The following ZMYM2 variants were observed in gnomAD, a reference collection of about 807,000 sequenced individuals.
ZMYM2 encodes the protein zinc finger MYM-type containing 2, also known as zinc finger MYM-type protein 2.
In ZMYM2, 56 loss-of-function variants were observed where a neutral mutation model predicts 162.8. That is an observed-to-expected ratio of 0.34 (90% CI 0.28 to 0.43). The LOEUF is 0.43. Among genes scored for constraint, ZMYM2 ranks in the 20% least tolerant of loss-of-function variants. ZMYM2 has a pLI of 1.00. For synonymous variants in ZMYM2, 510 were observed against 541.6 expected, an observed-to-expected ratio of 0.94 and a Z score of 0.81; for missense variants, 1,275 against 1,621.8, an observed-to-expected ratio of 0.79 and a Z score of 3.67.
At chr13:19,934,941 AT>A in the ZMYM2 span, among the ~76,000 whole-genome samples, 2 of 151,394 alleles carry the variant, frequency 1.3e-5, no homozygotes, top group Non-Finnish European at 2.9e-5. Context: ...TAATTTTTGT[AT>A]TTTTAGTAGA....
chr13:20,021,010 C>G (rs1952038518), intron 7 of ZMYM2, among the ~76,000 whole-genome samples: 2 of 150,036 alleles, frequency 1.3e-5, no homozygotes, highest in African/African-American at 4.9e-5. Flanking sequence ...GAGCCTTGCT[C>G]TGTCACCCAG....
chr13:19,957,597 C>T (rs1039806269), upstream of ZMYM2, among the ~76,000 whole-genome samples: 2 of 152,244 alleles, frequency 1.3e-5, no homozygotes, highest in Non-Finnish European at 2.9e-5. Flanking sequence ...TCCGCTCCCC[C>T]CGGCGGCCGC....
the ZMYM2 span, among the ~76,000 whole-genome samples, chr13:19,950,082 G>A: frequency 6.6e-6 from 1 of 151,556 alleles, no homozygotes; most frequent in African/African-American, 2.4e-5. Flanking sequence ...AGACCAGCCT[G>A]GACTGTTAAC....
rs1414207904 is a variant in ZMYM2 at position 20,087,456 on chromosome 13, A to C, written c.*1442A>C. On this transcript the variant is annotated 3_prime_UTR_variant, in exon 25 of 25. Transcript: ENST00000610343. The stretch of plus-strand genomic sequence containing the variant: ...CATGTTTTCTTCTGATTCCTGAATG[A>C]CCATGGTAGCATTAGTGTTTAGAAA... 5.3e-6 allele frequency: 1 copy of C among 188,756 alleles called. No homozygotes were observed. Among genetic ancestry groups the C allele is most frequent in the African/African-American group, 2.3e-5 (1 of 42,862 alleles). 11.7% of individuals were successfully genotyped at this position (188,756 alleles called of 1,614,324 possible). A position where few individuals can be genotyped will look rare whatever the true frequency, so the allele number is the denominator to read the frequency against.
the ZMYM2 span, among the ~76,000 whole-genome samples, chr13:19,953,213 A>C: frequency 7.9e-5 from 12 of 152,226 alleles, no homozygotes; most frequent in Non-Finnish European, 1.8e-4. Context: ...TAAATGAACT[A>C]AGACAGTCAC....
intron 5 of ZMYM2, among the ~76,000 whole-genome samples, chr13:20,005,675 C>A (rs1296820877): frequency 6.6e-6 from 1 of 152,098 alleles, no homozygotes; most frequent in East Asian, 1.9e-4. Context: ...AAAAAGTAAT[C>A]TGTTTATATA....
the ZMYM2 span, among the ~76,000 whole-genome samples, chr13:19,884,103 G>A: frequency 6.6e-6 from 1 of 152,140 alleles, no homozygotes; most frequent in Non-Finnish European, 1.5e-5. Context: ...GGGTAAACTG[G>A]CACAAGCCTG....
chr13:20,071,268 G>A (rs570285764), intron 21 of ZMYM2, among the ~76,000 whole-genome samples: 1 of 152,254 alleles, frequency 6.6e-6, no homozygotes, highest in African/African-American at 2.4e-5. Context: ...ACAAGTCTTT[G>A]TACTTCTGTT....
the ZMYM2 span, among the ~76,000 whole-genome samples, chr13:19,919,354 A>T: frequency 2.0e-5 from 3 of 152,282 alleles, no homozygotes; most frequent in African/African-American, 7.2e-5. Flanking sequence ...TTTCTCTGGG[A>T]TAAATGCCTG....
chr13:20,055,666 C>T (rs768916788), intron 14 of ZMYM2, among the ~76,000 whole-genome samples: 3 of 152,022 alleles, frequency 2.0e-5, no homozygotes, highest in Non-Finnish European at 2.9e-5. Context: ...TCAACATTAT[C>T]GTACATCTAG....
At chr13:19,885,277 A>T in the ZMYM2 span, among the ~76,000 whole-genome samples, 1 of 152,194 alleles carries the variant, frequency 6.6e-6, no homozygotes, top group Non-Finnish European at 1.5e-5. Context: ...CTGTCTTAAA[A>T]AAAAGTTTAA....
chr13:20,054,218 CT>C (rs1955606202), intron 14 of ZMYM2, among the ~76,000 whole-genome samples: 1 of 152,164 alleles, frequency 6.6e-6, no homozygotes, highest in South Asian at 2.1e-4. Context: ...CTTCACTGTT[CT>C]TTTTGTGAGT....
chr13:20,028,103 T>A (rs1005654495), intron 9 of ZMYM2: 1 of 173,096 alleles, frequency 5.8e-6, no homozygotes, highest in Admixed American at 6.4e-5. Context: ...ACTGCAAATA[T>A]AGTTTCTTAA....
At chr13:20,082,276 T>A (rs1181715162) in intron 22 of ZMYM2, 146 bp downstream of exon 22, 1 of 646,036 alleles carries the variant, frequency 1.5e-6, no homozygotes, top group Non-Finnish European at 2.6e-6. Flanking sequence ...CTTTCATCTC[T>A]TGTTGAATTA....
intron 3 of ZMYM2, among the ~76,000 whole-genome samples, chr13:19,999,984 G>T (rs1950274643): frequency 6.6e-6 from 1 of 152,076 alleles, no homozygotes; most frequent in Admixed American, 6.5e-5. Context: ...AATATTTTTT[G>T]TGGAGACAGG....
chr13:19,881,613 C>T, the ZMYM2 span, among the ~76,000 whole-genome samples: 2 of 150,998 alleles, frequency 1.3e-5, no homozygotes, highest in Non-Finnish European at 2.9e-5. Flanking sequence ...CAGAGTGAGA[C>T]TCAGTCTCAA....
At chr13:20,029,548 A>G (rs770001643) in intron 9 of ZMYM2, among the ~76,000 whole-genome samples, 1 of 152,128 alleles carries the variant, frequency 6.6e-6, no homozygotes, top group Non-Finnish European at 1.5e-5. Flanking sequence ...TTAAATCTGT[A>G]TATTTTATTT....
chr13:19,966,286 C>T lies in ZMYM2; in HGVS notation c.-11+6260C>T, dbSNP rs140472014. The stretch of plus-strand genomic sequence containing the variant: ...AGTAGCTTGGATTGCAGGCATGAGC[C>T]GCCACGCCTGGCTAATTTTGTATTT... On this transcript the variant is annotated intron_variant, in intron 2 of 24. Transcript: ENST00000610343. 3.7e-3 allele frequency among the ~76,000 whole-genome samples: 562 copies of T among 151,856 alleles called. 5 individuals carry two copies. The highest frequency in any genetic ancestry group is 0.013 in the African/African-American group (544 of 41,370).
At chr13:20,046,362 T>C (rs987580215) in intron 12 of ZMYM2, among the ~76,000 whole-genome samples, 3 of 151,424 alleles carry the variant, frequency 2.0e-5, no homozygotes, top group African/African-American at 7.3e-5. Flanking sequence ...GCCTGGGCAA[T>C]ACAGCAAGAC....
Sources: gnomAD v4.1 joint callset for allele counts (sites outside exome capture counted in the v4.1 genomes callset) on GRCh38, gnomAD v4.1.1 for gene constraint, MANE v1.5 for transcripts, NCBI Gene and HGNC (gene_info 2026-07-23, HGNC 2026-07-21) for gene names.